The following ITGAV variants were observed in gnomAD, a reference collection of about 807,000 sequenced individuals.
ITGAV encodes integrin subunit alpha V, also known as integrin alpha-V.
Under a neutral mutation model 143.8 loss-of-function variants are expected in ITGAV, and 76 were observed. That is an observed-to-expected ratio of 0.53 (90% CI 0.44 to 0.64). ITGAV has a LOEUF of 0.64. Ranked by LOEUF, ITGAV falls within the 30% of genes least tolerant of loss-of-function variation. The pLI, the probability that ITGAV is intolerant of heterozygous loss-of-function variation, is 0.00. For missense variants in ITGAV, 1,193 were observed against 1,274.7 expected (o/e 0.94, Z 0.98); for synonymous variants, 453 against 446.7 (o/e 1.01, Z -0.18).
chr2:186,603,657 C>A (rs1686975026), intron 2 of ITGAV, among the ~76,000 whole-genome samples: 1 of 152,126 alleles, frequency 6.6e-6, no homozygotes, highest in Admixed American at 6.5e-5. Context: ...AAGGAAACCA[C>A]AGTTTAGATT....
intron 18 of ITGAV, among the ~76,000 whole-genome samples, chr2:186,663,071 T>C (rs192761303): frequency 6.6e-6 from 1 of 152,298 alleles, no homozygotes; most frequent in African/African-American, 2.4e-5. Context: ...TTTCTCTCTT[T>C]TGGGTGTTTC....
intron 13 of ITGAV, among the ~76,000 whole-genome samples, chr2:186,647,382 A>G (rs1007077069): frequency 3.3e-5 from 5 of 151,806 alleles, no homozygotes; most frequent in Non-Finnish European, 2.9e-5. Context: ...ACTACAGGCA[A>G]GCACCACCAT....
intron 12 of ITGAV, 63 bp downstream of exon 12, chr2:186,641,651 T>G (rs976823029): frequency 5.1e-6 from 7 of 1,370,898 alleles, no homozygotes; most frequent in Admixed American, 3.4e-5. Flanking sequence ...AAAAGTTCTG[T>G]AAGTCCATCT....
intron 1 of ITGAV, among the ~76,000 whole-genome samples, chr2:186,592,374 A>G (rs1243215109): frequency 6.6e-6 from 1 of 152,196 alleles, no homozygotes; most frequent in Non-Finnish European, 1.5e-5. Flanking sequence ...TTGAGGTTGC[A>G]GTGAATGGAG....
At chr2:186,654,576 T>C in intron 15 of ITGAV, 74 bp from the exon 16 acceptor site, 1 of 696,984 alleles carries the variant, frequency 1.4e-6, no homozygotes. Flanking sequence ...AGTAGAAAGA[T>C]GAGATGTGGG....
intron 1 of ITGAV, among the ~76,000 whole-genome samples, chr2:186,594,258 A>G (rs1363387638): frequency 6.6e-6 from 1 of 152,210 alleles, no homozygotes; most frequent in African/African-American, 2.4e-5. Context: ...GTCTTCACCA[A>G]GAGATGTTAG....
intron 13 of ITGAV, 40 bp downstream of exon 13, chr2:186,646,917 G>A (rs200686900): frequency 1.1e-5 from 14 of 1,326,284 alleles, no homozygotes; most frequent in Admixed American, 2.5e-5. Flanking sequence ...AGATTTTTCA[G>A]TCCTAATAGC....
intron 1 of ITGAV, among the ~76,000 whole-genome samples, chr2:186,595,453 T>C (rs1686724782): frequency 6.6e-6 from 1 of 152,194 alleles, no homozygotes; most frequent in Admixed American, 6.5e-5. Context: ...CTTGTCTGTC[T>C]CCCTCTCACT....
chr2:186,651,550 T>C (rs1688430723), intron 14 of ITGAV, among the ~76,000 whole-genome samples: 1 of 152,218 alleles, frequency 6.6e-6, no homozygotes, highest in South Asian at 2.1e-4. Flanking sequence ...TATGTATGTA[T>C]ATCAGTAGAC....
chr2:186,614,008 T>G (rs1340151960), intron 2 of ITGAV, among the ~76,000 whole-genome samples: 2 of 152,070 alleles, frequency 1.3e-5, no homozygotes, highest in Non-Finnish European at 1.5e-5. Flanking sequence ...GTGATTAAAA[T>G]TTTTTCTTGA....
chr2:186,667,319 C>T, intron 23 of ITGAV, 89 bp downstream of exon 23: 1 of 939,294 alleles, frequency 1.1e-6, no homozygotes, highest in Non-Finnish European at 1.7e-6. Context: ...GGACAATAGA[C>T]CCTGCATGTT....
chr2:186,605,952 A>C (rs899703463), intron 2 of ITGAV, among the ~76,000 whole-genome samples: 3 of 151,022 alleles, frequency 2.0e-5, no homozygotes, highest in Non-Finnish European at 4.4e-5. Flanking sequence ...ATAACTTCTG[A>C]GACCTCCCCA....
intron 15 of ITGAV, among the ~76,000 whole-genome samples, chr2:186,652,752 T>C (rs1324615803): frequency 1.3e-5 from 2 of 152,066 alleles, no homozygotes; most frequent in African/African-American, 4.8e-5. Flanking sequence ...AACAGTTGTA[T>C]GAAAAAAATT....
chr2:186,670,515 G>A (rs1427208139), intron 26 of ITGAV, among the ~76,000 whole-genome samples: 1 of 152,070 alleles, frequency 6.6e-6, no homozygotes, highest in Non-Finnish European at 1.5e-5. Context: ...TGCCCAGGCT[G>A]GTCTCAAATT....
At chr2:186,600,210 T>G in intron 1 of ITGAV, 1 of 851,082 alleles carries the variant, frequency 1.2e-6, no homozygotes, top group Non-Finnish European at 1.8e-6. Context: ...CCTTTCTTTG[T>G]AGCTCCTGGA....
chr2:186,668,201 T>C (rs1559068068), intron 24 of ITGAV, among the ~76,000 whole-genome samples: 2 of 17,678 alleles, frequency 1.1e-4, no homozygotes, highest in Non-Finnish European at 3.1e-4. Context: ...TATATATATA[T>C]ATATATATAT....
In ITGAV at chr2:186,593,816, G is replaced by A. The variant is rs1053526815; in HGVS notation, c.185+3293G>A. On this transcript the variant is annotated intron_variant, in intron 1 of 29. Transcript: ENST00000261023. ...TAGAGGGTAAGGAAGGGAAGGATCCGAAGACAGGGTGTAAAATTCAAATCC... is the reference window on the plus strand; with the variant it reads ...TAGAGGGTAAGGAAGGGAAGGATCCAAAGACAGGGTGTAAAATTCAAATCC... Among the ~76,000 whole-genome samples the A allele has an allele frequency of 9.9e-5, 15 of 152,068 alleles. 1 individual carries two copies. The highest frequency in any genetic ancestry group is 3.4e-4 in the African/African-American group (14 of 41,382).
chr2:186,632,243 A>G (rs141732624), intron 5 of ITGAV, among the ~76,000 whole-genome samples: 4 of 152,118 alleles, frequency 2.6e-5, no homozygotes, highest in Non-Finnish European at 1.5e-5. Flanking sequence ...TACATTTCCA[A>G]ATAGGTATTA....
At chr2:186,631,816 G>T (rs928000610) in intron 5 of ITGAV, among the ~76,000 whole-genome samples, 22 of 152,094 alleles carry the variant, frequency 1.4e-4, no homozygotes, top group Admixed American at 6.6e-5. Context: ...GAGGATCACT[G>T]TAGCCCAGGA....
Sources: allele counts gnomAD v4.1 joint callset (sites outside exome capture counted in the v4.1 genomes callset), GRCh38; gene constraint gnomAD v4.1.1; transcripts MANE v1.5; gene names NCBI Gene and HGNC (gene_info 2026-07-23, HGNC 2026-07-21).